The following TFE3 variants were observed in gnomAD, a reference collection of about 807,000 sequenced individuals.
TFE3 encodes the protein transcription factor binding to IGHM enhancer 3.
In TFE3, 5 loss-of-function variants were observed where a neutral mutation model predicts 35.0. The ratio of observed to expected loss-of-function variants is 0.14; its 90% CI spans 0.07 to 0.30. The LOEUF (loss-of-function observed/expected upper bound fraction) is 0.30. Ranked by LOEUF, TFE3 falls within the 10% of genes least tolerant of loss-of-function variation. The pLI, the probability that TFE3 is intolerant of heterozygous loss-of-function variation, is 1.00. For missense variants in TFE3, 374 were observed against 496.6 expected (o/e 0.75, Z 2.35); for synonymous variants, 211 against 215.6 (o/e 0.98, Z 0.18).
rs781792105 is a variant in TFE3 at position 49,043,199 on chromosome X, C to T, written c.28G>A (p.Asp10Asn). The T allele has an allele frequency of 8.5e-7, 1 of 1,179,021 alleles. No homozygotes were observed. Among genetic ancestry groups the T allele is most frequent in the East Asian group, 3.1e-5 (1 of 32,132 alleles). Residue 10 changes from aspartate (D) to asparagine (N), a missense_variant, in exon 1 of 10, where the codon GAT becomes AAT. Around this residue, in one of 3 missense-constraint regions of TFE3, gnomAD observed 90 missense variants for 87.5 expected, o/e 1.03. Transcript: ENST00000315869. ...CCCTCCGCGCTGGCCTCTACGCCAT[C>T]CCGAGCTGGTTCGGCCGCATGAGAC... MSHAAEPAR[D>N]GVEASAEGPR...
At chrX:49,032,575 G>A (rs1453761295) in intron 8 of TFE3, among the ~76,000 whole-genome samples, 1 of 110,577 alleles carries the variant, frequency 9.0e-6, no homozygotes, top group African/African-American at 3.3e-5. Flanking sequence ...GTTTCACCAT[G>A]TTGGCCAGAA....
At position 49,030,097 on chromosome X, in the gene TFE3, C is replaced by T. The variant is rs2064689889; in HGVS notation, c.*61G>A. The T allele has an allele frequency of 1.8e-6, 2 of 1,131,086 alleles. No homozygotes were observed. The highest frequency in any genetic ancestry group is 2.6e-5 in the Admixed American group (1 of 38,255). The allele number at this position is 1,131,086 out of a possible 1,213,427, so 93.2% of individuals were successfully genotyped here. ...GGGAGGGTGGGGGAAAAGGCGGGGC[C>T]TCATCCTGACTGGTCCTCCTTTCCT... is the stretch of plus-strand genomic sequence containing the variant. On this transcript the variant is annotated 3_prime_UTR_variant, in exon 10 of 10. Coordinates refer to ENST00000315869, the MANE Select transcript of TFE3 (RefSeq NM_006521.6).
In TFE3 at chrX:49,043,196, C is replaced by T; in HGVS notation, c.31G>A (p.Gly11Ser). ...GGGCCCTCCGCGCTGGCCTCTACGC[C>T]ATCCCGAGCTGGTTCGGCCGCATGA... The part of the protein sequence containing the change: MSHAAEPARD[G>S]VEASAEGPRA... The change falls in exon 1 of 10, where the codon GGC becomes AGC. Residue 11 changes from glycine to serine, a missense_variant. Gly to Ser is a moderately conservative substitution (Grantham distance 56). Around this residue, in one of 3 missense-constraint regions of TFE3, gnomAD observed 90 missense variants for 87.5 expected, o/e 1.03. Transcript: ENST00000315869. The T allele has an allele frequency of 8.5e-7, 1 of 1,180,023 alleles. No individual in the cohort carries two copies. The highest frequency in any genetic ancestry group is 1.9e-5 in the South Asian group (1 of 53,919).
intron 1 of TFE3, among the ~76,000 whole-genome samples, chrX:49,042,054 G>T (rs781846546): frequency 4.5e-5 from 5 of 110,915 alleles, no homozygotes; most frequent in African/African-American, 1.6e-4. Flanking sequence ...CCATTGCACA[G>T]AAGTTGGAAG....
Position 49,037,689 on chromosome X carries a change from A to G in TFE3, c.885+321T>C, listed in dbSNP as rs1602497613. On this transcript the variant is annotated intron_variant, in intron 5 of 9. Transcript: ENST00000315869. Reference sequence around the variant, plus strand: ...ACTCTAGCCTGGGTGACAGAGCGAGACTCCGTCTCGAAAAAAAAAAAAAAA... The same window carrying G: ...ACTCTAGCCTGGGTGACAGAGCGAGGCTCCGTCTCGAAAAAAAAAAAAAAA... The G allele has an allele frequency of 1.7e-5, 3 of 172,384 alleles. No homozygotes were observed. The South Asian group carries it at 4.0e-4, about 23-fold the overall frequency. 14.2% of individuals were successfully genotyped at this position (172,384 alleles called of 1,213,427 possible). A position where few individuals can be genotyped will look rare whatever the true frequency, so the allele number is the denominator to read the frequency against.
rs1328475634 is a variant in TFE3, at chrX:49,029,555, C to A, written c.*603G>T. 6.5e-6 allele frequency: 2 copies of A among 308,216 alleles called. No individual in the cohort carries two copies. The highest frequency in any genetic ancestry group is 4.2e-5 in the Admixed American group (1 of 23,594). The allele number at this position is 308,216 out of a possible 1,213,427, so 25.4% of individuals were successfully genotyped here. ...GGGAAGGGGTGGGGCCTGGCTCCTC[C>A]ATTCCTAGAAGGCCAGGAGAGTTCC... On this transcript the variant is annotated 3_prime_UTR_variant, in exon 10 of 10. Coordinates refer to ENST00000315869, the MANE Select transcript of TFE3 (RefSeq NM_006521.6).
At chrX:49,041,282 TAC>T (rs60375012) in intron 1 of TFE3, among the ~76,000 whole-genome samples, 9 of 108,433 alleles carry the variant, frequency 8.3e-5, no homozygotes, top group Non-Finnish European at 7.7e-5. Context: ...TATATGTGTG[TAC>T]ACACACACAC....
rs1557075975 is a variant in TFE3, at chrX:49,043,124, C to A, written c.103G>T (p.Ala35Ser). ...GCGGCCCCGCACCTGAGCAGCTGAG[C>A]CGAGTCGGCCGGCCTGCGCTCCTCC... ...LLEERRPADS[A>S]QLLSLNSLLP... is the part of the protein sequence containing the mutation. The change falls in exon 1 of 10, where the codon GCT becomes TCT. Residue 35 changes from alanine to serine, a missense_variant. Physicochemically the swap from Ala to Ser is moderately conservative, Grantham distance 99. Transcript: ENST00000315869. 2.5e-6 allele frequency: 3 copies of A among 1,185,513 alleles called. No individual in the cohort carries two copies. The highest frequency in any genetic ancestry group is 6.1e-5 in the East Asian group (2 of 32,791).
intron 5 of TFE3, among the ~76,000 whole-genome samples, chrX:49,035,682 C>T (rs1246420915): frequency 5.5e-5 from 6 of 108,596 alleles, no homozygotes; most frequent in Non-Finnish European, 1.1e-4. Context: ...GCTGGGATTA[C>T]AGGTGTGAGC....
chrX:49,042,376 T>A (rs1557075872), intron 1 of TFE3, among the ~76,000 whole-genome samples: 2 of 111,563 alleles, frequency 1.8e-5, no homozygotes, highest in East Asian at 5.6e-4. Flanking sequence ...ATCATCGCCC[T>A]CTGCCTGGCT....
Position 49,040,649 on chromosome X carries a change from GAGA to G in TFE3, c.117-84_117-82del. On this transcript the variant is annotated intron_variant, in intron 1 of 9. Coordinates refer to ENST00000315869, the MANE Select transcript of TFE3 (RefSeq NM_006521.6). The stretch of plus-strand genomic sequence containing the variant: ...CCCTCCCCTGAGACAGAGAAAGAGA[GAGA>G]GAGGGGGGGAGAACGAAGAGGAGGG... 2.5e-5 allele frequency: 18 copies of G among 721,868 alleles called. No individual in the cohort carries two copies. The African/African-American group carries it at 3.4e-4, about 14-fold the overall frequency. The allele number at this position is 721,868 out of a possible 1,213,427, so 59.5% of individuals were successfully genotyped here.
Position 49,034,130 on chromosome X carries a change from C to T in TFE3, c.1003+4G>A. ...GGCCATGGGGCCAAGACCCTATCAC[C>T]TACCAGAGATCTCCCGTTTGATGTT... On this transcript the variant is annotated splice_donor_region_variant and intron_variant, in intron 6 of 9. Transcript: ENST00000315869. 1 of 1,203,593 alleles carries T rather than the reference C, an allele frequency of 8.3e-7. No individual in the cohort carries two copies. Among genetic ancestry groups the T allele is most frequent in the Non-Finnish European group, 1.1e-6 (1 of 887,867 alleles).
intron 5 of TFE3, among the ~76,000 whole-genome samples, chrX:49,035,398 CTTTTTTT>C (rs1167944840): frequency 3.1e-5 from 2 of 64,986 alleles, no homozygotes; most frequent in African/African-American, 1.4e-4. Flanking sequence ...GTTTTAATCT[CTTTTTTT>C]TTTTTTTTTT....
chrX:49,040,316 TG>T, intron 2 of TFE3, 138 bp downstream of exon 2: 1 of 411,339 alleles, frequency 2.4e-6, no homozygotes, highest in Non-Finnish European at 4.1e-6. Flanking sequence ...ATGCTCTTTC[TG>T]GTCCCTAATT....
intron 8 of TFE3, among the ~76,000 whole-genome samples, chrX:49,033,237 T>C (rs1309962648): frequency 1.8e-5 from 2 of 110,631 alleles, no homozygotes; most frequent in African/African-American, 3.3e-5. Context: ...AGTAGGTGCA[T>C]ATATCCTACG....
chrX:49,038,938 A>C (rs1557075227), intron 3 of TFE3, among the ~76,000 whole-genome samples, 169 bp downstream of exon 3: 1 of 110,677 alleles, frequency 9.0e-6, no homozygotes, highest in Non-Finnish European at 1.9e-5. Flanking sequence ...TCAGAAACCC[A>C]AAACACATGA....
intron 8 of TFE3, among the ~76,000 whole-genome samples, chrX:49,032,328 A>T (rs61004534): frequency 9.1e-6 from 1 of 110,329 alleles, no homozygotes; most frequent in East Asian, 2.8e-4. Flanking sequence ...TCCACTTCTC[A>T]GGTTCAAGCG....
chrX:49,030,723 G>T, intron 9 of TFE3, 122 bp from the exon 10 acceptor site: 1 of 582,606 alleles, frequency 1.7e-6, no homozygotes, highest in Non-Finnish European at 2.7e-6. Flanking sequence ...CTACTCACTA[G>T]TTCCAAAACT....
At chrX:49,040,747 T>TC (rs1211272870) in intron 1 of TFE3, among the ~76,000 whole-genome samples, 179 bp from the exon 2 acceptor site, 1 of 90,207 alleles carries the variant, frequency 1.1e-5, no homozygotes, top group Non-Finnish European at 2.2e-5. Context: ...CCTTCCCCCA[T>TC]CCCCCTTTCC....
Sources: allele counts gnomAD v4.1 joint callset (sites outside exome capture counted in the v4.1 genomes callset), GRCh38; gene constraint gnomAD v4.1.1; regional missense constraint gnomAD v4.1.1; transcripts MANE v1.5; gene names NCBI Gene and HGNC (gene_info 2026-07-23, HGNC 2026-07-21).